The following GABRB3 variants were observed in gnomAD, a reference collection of about 807,000 sequenced individuals.
The protein encoded by GABRB3 is gamma-aminobutyric acid receptor subunit beta-3.
GABRB3 carries 14 observed loss-of-function variants against 52.1 expected under a neutral mutation model. The ratio of observed to expected loss-of-function variants is 0.27; its 90% confidence interval spans 0.18 to 0.42. The LOEUF (loss-of-function observed/expected upper bound fraction) is 0.42. GABRB3 is among the 10% of genes least tolerant of loss of function. The pLI, the probability that GABRB3 is intolerant of heterozygous loss-of-function variation, is 1.00. For synonymous variants in GABRB3, 260 were observed against 232.3 expected (o/e 1.12, Z -1.08); for missense variants, 307 against 609.1 (o/e 0.50, Z 5.22).
At chr15:26,558,183 C>A (rs1435092404) in intron 8 of GABRB3, among the ~76,000 whole-genome samples, 1 of 152,154 alleles carries the variant, frequency 6.6e-6, no homozygotes, top group Non-Finnish European at 1.5e-5. Flanking sequence ...AGAAACATAA[C>A]AGTATGATAC....
intron 4 of GABRB3, among the ~76,000 whole-genome samples, chr15:26,584,249 G>T (rs1595459631): frequency 6.6e-6 from 1 of 152,188 alleles, no homozygotes; most frequent in Non-Finnish European, 1.5e-5. Context: ...TTCCAAGGGA[G>T]TTCTTACCTT....
chr15:26,566,910 G>T (rs1247657502), intron 7 of GABRB3, among the ~76,000 whole-genome samples: 4 of 152,174 alleles, frequency 2.6e-5, no homozygotes, highest in Non-Finnish European at 4.4e-5. Flanking sequence ...ATTGCAGATT[G>T]CATCAGCTCT....
At chr15:26,640,080 G>T (rs1167578791) in intron 3 of GABRB3, among the ~76,000 whole-genome samples, 1 of 152,208 alleles carries the variant, frequency 6.6e-6, no homozygotes, top group Non-Finnish European at 1.5e-5. Context: ...ACAAGCTGTA[G>T]TCCTGTTAAA....
rs755203442 is a variant in GABRB3, at chr15:26,548,146, GA to G, written c.1081-13del. 15 of 1,605,532 alleles carry G rather than the reference GA, an allele frequency of 9.3e-6. No homozygotes were observed. The highest frequency in any genetic ancestry group is 1.3e-5 in the African/African-American group (1 of 74,746). On this transcript the variant is annotated splice_polypyrimidine_tract_variant and intron_variant, in intron 8 of 8. Transcript: ENST00000311550. ...CCATGAGCATCCACCTAATTGGACG[GA>G]AAATGCACATGGTTAGACAGCCAGC... is the stretch of plus-strand genomic sequence containing the variant.
At chr15:26,556,927 C>T (rs551475089) in intron 8 of GABRB3, among the ~76,000 whole-genome samples, 2 of 152,064 alleles carry the variant, frequency 1.3e-5, no homozygotes, top group African/African-American at 2.4e-5. Context: ...TCAGTCAGGG[C>T]GAAGCTGCTG....
chr15:26,629,766 T>A (rs1252536177), intron 3 of GABRB3, among the ~76,000 whole-genome samples: 2 of 152,206 alleles, frequency 1.3e-5, no homozygotes, highest in South Asian at 4.1e-4. Context: ...ACAGTCTTAG[T>A]GGGAGTTGAG....
intron 4 of GABRB3, among the ~76,000 whole-genome samples, chr15:26,596,052 G>A (rs953303267): frequency 6.6e-6 from 1 of 152,056 alleles, no homozygotes; most frequent in African/African-American, 2.4e-5. Flanking sequence ...AGCCTTTGGG[G>A]GTAGGCATGT....
intron 8 of GABRB3, among the ~76,000 whole-genome samples, chr15:26,552,962 G>A (rs1889535592): frequency 2.0e-5 from 3 of 152,088 alleles, no homozygotes; most frequent in Admixed American, 1.3e-4. Flanking sequence ...ATGAGAGAAA[G>A]CATATTTGGT....
At chr15:26,731,467 C>A (rs1889912703) in intron 3 of GABRB3, among the ~76,000 whole-genome samples, 3 of 152,196 alleles carry the variant, frequency 2.0e-5, no homozygotes, top group South Asian at 4.1e-4. Context: ...GAGGAGGTTG[C>A]ACCTCAGTGG....
intron 3 of GABRB3, among the ~76,000 whole-genome samples, chr15:26,757,321 T>G (rs8182080): frequency 6.6e-6 from 1 of 152,038 alleles, no homozygotes; most frequent in Non-Finnish European, 1.5e-5. Context: ...ACAGCGTCCC[T>G]AGGAGCTGTA....
intron 3 of GABRB3, chr15:26,642,540 T>C (rs1479196648): frequency 2.4e-6 from 3 of 1,271,272 alleles, no homozygotes; most frequent in Non-Finnish European, 2.1e-6. Flanking sequence ...TGCAAAGAAA[T>C]GAGAAACATG....
chr15:26,575,503 A>G (rs543669455), intron 6 of GABRB3, among the ~76,000 whole-genome samples: 10 of 152,298 alleles, frequency 6.6e-5, no homozygotes, highest in African/African-American at 2.2e-4. Context: ...TTAATGTTTC[A>G]TCTATCTTTT....
At chr15:26,732,335 T>C (rs71463502) in intron 3 of GABRB3, among the ~76,000 whole-genome samples, 42,309 of 146,100 alleles carry the variant, frequency 0.29, 6,170 homozygotes, top group African/African-American at 0.33. Flanking sequence ...GATGGATGGA[T>C]GGACGGACAG....
At chr15:26,697,994 TCA>T (rs1456949578) in intron 3 of GABRB3, among the ~76,000 whole-genome samples, 25 of 152,220 alleles carry the variant, frequency 1.6e-4, no homozygotes, top group Admixed American at 1.6e-3. Context: ...CCCACCTCCC[TCA>T]TCATCTTAGA....
chr15:26,569,410 A>T (rs775756798), intron 6 of GABRB3: 1 of 152,226 alleles, frequency 6.6e-6, no homozygotes, highest in African/African-American at 2.4e-5. Flanking sequence ...TGCATATATC[A>T]CATGTCATCA....
At chr15:26,766,348 ATTAC>A (rs1219023421) in intron 3 of GABRB3, among the ~76,000 whole-genome samples, 1 of 152,206 alleles carries the variant, frequency 6.6e-6, no homozygotes, top group Non-Finnish European at 1.5e-5. Flanking sequence ...TTCAGATGGT[ATTAC>A]TTGTGAAAAT....
intron 4 of GABRB3, among the ~76,000 whole-genome samples, chr15:26,588,957 G>C (rs554824209): frequency 1.2e-4 from 19 of 152,276 alleles, no homozygotes; most frequent in Admixed American, 1.2e-3. Context: ...GTTGTAAGGA[G>C]AGCACTATCT....
chr15:26,750,886 C>A lies in GABRB3; in HGVS notation c.240+21516G>T, dbSNP rs115009117. On this transcript the variant is annotated intron_variant, in intron 3 of 8. Transcript: ENST00000311550. ...TTACTTAATGAAACTCAGTTTCTAT[C>A]ATGAATTACAGACATTTTGCCAAAC... Among the ~76,000 whole-genome samples, 268 of 152,280 alleles carry A rather than the reference C, an allele frequency of 1.8e-3. 1 individual carries two copies. The highest frequency in any genetic ancestry group is 6.0e-3 in the African/African-American group (251 of 41,560).
intron 3 of GABRB3, among the ~76,000 whole-genome samples, chr15:26,762,698 CA>C (rs1353311176): frequency 6.6e-6 from 1 of 152,202 alleles, no homozygotes; most frequent in African/African-American, 2.4e-5. Flanking sequence ...ACTTAGATTA[CA>C]GGACACACAT....
Sources: gnomAD v4.1 joint callset for allele counts (sites outside exome capture counted in the v4.1 genomes callset) on GRCh38, gnomAD v4.1.1 for gene constraint, MANE v1.5 for transcripts, NCBI Gene and HGNC (gene_info 2026-07-23, HGNC 2026-07-21) for gene names.